SLCO3A1: variants seen among roughly 807,000 people sequenced by gnomAD.
SLCO3A1 encodes PGE1 transporter.
A neutral mutation model predicts 63.1 loss-of-function variants in SLCO3A1; 27 were observed. That is an observed-to-expected ratio of 0.43 (90% CI 0.32 to 0.59). SLCO3A1 has a LOEUF of 0.59. Ranked by LOEUF, SLCO3A1 falls within the 20% of genes least tolerant of loss-of-function variation. The probability of loss-of-function intolerance (pLI) is 0.09; values close to 1 mark genes in which losing one functional copy is unlikely to be tolerated. For missense variants in SLCO3A1, 773 were observed against 945.8 expected, an observed-to-expected ratio of 0.82 and a Z score of 2.40; for synonymous variants, 473 against 409.9, an observed-to-expected ratio of 1.15 and a Z score of -1.86.
At chr15:92,126,364 A>G in intron 6 of SLCO3A1, 105 bp downstream of exon 6, 1 of 897,872 alleles carries the variant, frequency 1.1e-6, no homozygotes, top group East Asian at 2.5e-5. Context: ...TGACCTGAGG[A>G]GACGCATCAC....
In SLCO3A1 at chr15:92,016,191, G is replaced by T. The variant is rs190189212; in HGVS notation, c.647-78690G>T. The stretch of plus-strand genomic sequence containing the variant: ...CAGGTCTTGATGTTGCAGATTTGTT[G>T]TATATATATTTATATAGATAGATAG... On this transcript the variant is annotated intron_variant, in intron 2 of 9. Coordinates refer to ENST00000318445, the MANE Select transcript of SLCO3A1 (RefSeq NM_013272.4). 4.0e-5 allele frequency among the ~76,000 whole-genome samples: 4 copies of T among 99,454 alleles called. No homozygotes were observed. In the East Asian group the frequency reaches 1.2e-3, roughly 31 times the overall value. 65.2% of individuals were successfully genotyped at this position (99,454 alleles called of 152,430 possible). A position where few individuals can be genotyped will look rare whatever the true frequency, so the allele number is the denominator to read the frequency against.
Position 91,859,500 on chromosome 15 carries a change from A to G in SLCO3A1, c.180+5412A>G, listed in dbSNP as rs1897000172. Among the ~76,000 whole-genome samples, 1 of 152,216 alleles carries G rather than the reference A, an allele frequency of 6.6e-6. No homozygotes were observed. The highest frequency in any genetic ancestry group is 1.5e-5 in the Non-Finnish European group (1 of 68,040). On this transcript the variant is annotated intron_variant, in intron 1 of 9. Coordinates refer to ENST00000318445, the MANE Select transcript of SLCO3A1 (RefSeq NM_013272.4). This position sits in a 1 kb window ranked among gnomAD's most constrained non-coding sequence, Gnocchi z 5.1. ...TTATTGCTTAATGGTTAAAACTCCA[A>G]GTTAAATGATTACAGTTCCAAGGTG...
intron 3 of SLCO3A1, among the ~76,000 whole-genome samples, chr15:92,099,744 C>A: frequency 6.6e-6 from 1 of 152,056 alleles, no homozygotes; most frequent in Non-Finnish European, 1.5e-5. Context: ...AAGTCAGATA[C>A]AAAGAGTGGA....
intron 7 of SLCO3A1, among the ~76,000 whole-genome samples, chr15:92,139,448 G>C (rs906285256): frequency 2.6e-5 from 4 of 152,082 alleles, no homozygotes; most frequent in African/African-American, 4.8e-5. Context: ...TTTTTTGGTT[G>C]TGTCTCTGCC....
At position 91,948,658 on chromosome 15, in the gene SLCO3A1, A is replaced by C. The variant is rs1753390584; in HGVS notation, c.646+32200A>C. Among the ~76,000 whole-genome samples, 1 of 152,232 alleles carries C rather than the reference A, an allele frequency of 6.6e-6. No homozygotes were observed. Among genetic ancestry groups the C allele is most frequent in the Non-Finnish European group, 1.5e-5 (1 of 68,032 alleles). ...TCTCTGGTGCCCTGTGTTTACAGAC[A>C]TGAGGGCTGGGTTTTCCTGCCCTGA... On this transcript the variant is annotated intron_variant, in intron 2 of 9. Coordinates refer to ENST00000318445, the MANE Select transcript of SLCO3A1 (RefSeq NM_013272.4). The surrounding 1 kb of genome is among the most constrained non-coding windows in gnomAD (Gnocchi z 4.8).
intron 2 of SLCO3A1, among the ~76,000 whole-genome samples, chr15:91,988,296 G>A (rs1182467730): frequency 6.6e-6 from 1 of 152,060 alleles, no homozygotes; most frequent in Non-Finnish European, 1.5e-5. Flanking sequence ...AGCCGTGATT[G>A]CACCACTGCA....
intron 2 of SLCO3A1, among the ~76,000 whole-genome samples, chr15:92,074,431 T>C (rs2047252111): frequency 6.6e-6 from 1 of 152,196 alleles, no homozygotes; most frequent in South Asian, 2.1e-4. Context: ...AGAATAAAGC[T>C]CATATTGTTT....
chr15:91,920,281 T>G (rs1420280143), intron 2 of SLCO3A1, among the ~76,000 whole-genome samples: 2 of 152,016 alleles, frequency 1.3e-5, no homozygotes, highest in African/African-American at 4.8e-5. Context: ...AGCTCAAGGG[T>G]GGTGCACGGT....
At chr15:91,965,353 A>T (rs78979097) in intron 2 of SLCO3A1, among the ~76,000 whole-genome samples, 5,916 of 152,224 alleles carry the variant, frequency 0.039, 394 homozygotes, top group African/African-American at 0.14. Flanking sequence ...GAGGCCTGAG[A>T]TCCTGCTCAA....
At chr15:91,877,753 T>A (rs533749397) in intron 1 of SLCO3A1, among the ~76,000 whole-genome samples, 1 of 151,652 alleles carries the variant, frequency 6.6e-6, no homozygotes, top group Non-Finnish European at 1.5e-5. Context: ...GTTACAGGTT[T>A]TTGCAAAAAG....
At chr15:92,023,932 A>G (rs953028233) in intron 2 of SLCO3A1, among the ~76,000 whole-genome samples, 1 of 152,262 alleles carries the variant, frequency 6.6e-6, no homozygotes, top group Admixed American at 6.5e-5. Context: ...TTTCCAGCTC[A>G]TAGTGGTGGC....
chr15:92,032,513 C>T (rs772638907), intron 2 of SLCO3A1, among the ~76,000 whole-genome samples: 49 of 152,012 alleles, frequency 3.2e-4, no homozygotes, highest in Middle Eastern at 3.4e-3. Context: ...TGTGTATGGT[C>T]GGTGCTGAAG....
chr15:91,938,682 A>G (rs1239718916), intron 2 of SLCO3A1, among the ~76,000 whole-genome samples: 1 of 152,098 alleles, frequency 6.6e-6, no homozygotes, highest in African/African-American at 2.4e-5. Flanking sequence ...AGAGAGATTA[A>G]CTTGCCCACG....
intron 2 of SLCO3A1, among the ~76,000 whole-genome samples, chr15:92,064,237 G>A (rs1450539334): frequency 6.6e-6 from 1 of 152,224 alleles, no homozygotes; most frequent in Non-Finnish European, 1.5e-5. Flanking sequence ...AGCGTAAGAG[G>A]TAGTTGGGAA....
intron 2 of SLCO3A1, among the ~76,000 whole-genome samples, chr15:91,945,705 A>G (rs74028389): frequency 0.011 from 1,741 of 152,314 alleles, 37 homozygotes; most frequent in African/African-American, 0.039. Context: ...TCTGAGTGTA[A>G]TGGGAATCCA....
chr15:92,132,465 T>C (rs2048007985), intron 7 of SLCO3A1, among the ~76,000 whole-genome samples: 1 of 145,174 alleles, frequency 6.9e-6, no homozygotes, highest in Admixed American at 6.8e-5. Context: ...AAAAATTGAG[T>C]TAATTCTGTA....
downstream of SLCO3A1, among the ~76,000 whole-genome samples, chr15:92,167,180 T>A (rs2048498139): frequency 6.6e-6 from 1 of 152,244 alleles, no homozygotes; most frequent in Non-Finnish European, 1.5e-5. Context: ...CTGGTGCTAT[T>A]CTTACCTGAC....
At chr15:92,103,325 T>A (rs1161954303) in intron 3 of SLCO3A1, among the ~76,000 whole-genome samples, 4 of 151,942 alleles carry the variant, frequency 2.6e-5, no homozygotes, top group Non-Finnish European at 4.4e-5. Context: ...ACAAGGCAGG[T>A]GTAAAGAGAG....
chr15:91,999,152 G>C (rs2046224773), intron 2 of SLCO3A1, among the ~76,000 whole-genome samples: 1 of 152,198 alleles, frequency 6.6e-6, no homozygotes, highest in Non-Finnish European at 1.5e-5. Context: ...TAGGGTGTGG[G>C]GAAAAGGGTG....
Sources: allele counts gnomAD v4.1 joint callset (sites outside exome capture counted in the v4.1 genomes callset), GRCh38; gene constraint gnomAD v4.1.1; non-coding constraint Gnocchi (gnomAD v3.1); transcripts MANE v1.5; gene names NCBI Gene and HGNC (gene_info 2026-07-23, HGNC 2026-07-21).